EDRF1: variants seen among roughly 807,000 people sequenced by gnomAD.
The protein encoded by EDRF1 is erythroid differentiation-related factor 1.
A neutral mutation model predicts 148.7 loss-of-function variants in EDRF1; 69 were observed. The ratio of observed to expected loss-of-function variants is 0.46; its 90% confidence interval spans 0.38 to 0.57. EDRF1 has a LOEUF of 0.57. EDRF1 is among the 20% of genes least tolerant of loss of function. The probability of loss-of-function intolerance (pLI) is 0.00; values close to 1 mark genes in which losing one functional copy is unlikely to be tolerated. For missense variants in EDRF1, 1,118 were observed against 1,478.7 expected, an observed-to-expected ratio of 0.76 and a Z score of 4.00; for synonymous variants, 515 against 532.8, an observed-to-expected ratio of 0.97 and a Z score of 0.46.
intron 1 of EDRF1, among the ~76,000 whole-genome samples, chr10:125,720,744 G>A (rs1411388536): frequency 1.3e-5 from 2 of 151,188 alleles, no homozygotes; most frequent in South Asian, 2.1e-4. Context: ...CCCAGAAGCC[G>A]AGGTTGCAGT....
chr10:125,750,464 T>C (rs1290868556), intron 22 of EDRF1: 1 of 152,152 alleles, frequency 6.6e-6, no homozygotes, highest in Non-Finnish European at 1.5e-5. Context: ...CGCAGAGGAG[T>C]CTTTTGAGAA....
chr10:125,751,482 C>G (rs1849640042), intron 22 of EDRF1, among the ~76,000 whole-genome samples: 1 of 148,998 alleles, frequency 6.7e-6, no homozygotes, highest in African/African-American at 2.5e-5. Flanking sequence ...TGGTCGTTGT[C>G]CCAACAACAC....
At position 125,745,631 on chromosome 10, in the gene EDRF1, TATCTC is replaced by T. The variant is rs113426563; in HGVS notation, c.2591-72_2591-68del. The T allele has an allele frequency of 2.8e-3, 4,153 of 1,486,766 alleles. 92 individuals carry two copies. In the African/African-American group the frequency reaches 0.047, roughly 17 times the overall value. The allele number at this position is 1,486,766 out of a possible 1,614,324, so 92.1% of individuals were successfully genotyped here. A position where few individuals can be genotyped will look rare whatever the true frequency, so the allele number is the denominator to read the frequency against. On this transcript the variant is annotated intron_variant, in intron 18 of 24. Coordinates refer to ENST00000356792, the MANE Select transcript of EDRF1 (RefSeq NM_001202438.2). ...ACTCCTGTCACTGCCATCCTCCTCT[TATCTC>T]ATCAAGAGACAGTGCTAAGGTTTAC...
chr10:125,757,110 G>T (rs1008375734), intron 24 of EDRF1: 1 of 374,296 alleles, frequency 2.7e-6, no homozygotes, highest in Admixed American at 3.7e-5. Context: ...ACTGCACCTG[G>T]CCCAAGGGTC....
At chr10:125,753,885 AC>A (rs1263412068) in intron 24 of EDRF1, 40 bp downstream of exon 24, 2 of 1,606,242 alleles carry the variant, frequency 1.2e-6, no homozygotes, top group African/African-American at 2.7e-5. Context: ...CTTTCCTAGC[AC>A]CCTACCTATA....
At chr10:125,750,965 T>C (rs1352954103) in intron 22 of EDRF1, among the ~76,000 whole-genome samples, 1 of 152,176 alleles carries the variant, frequency 6.6e-6, no homozygotes, top group South Asian at 2.1e-4. Context: ...TTTTGTTTTG[T>C]TTTGTTTGAG....
At chr10:125,748,204 A>G (rs1191607925) in intron 21 of EDRF1, 192 bp downstream of exon 21, 4 of 678,050 alleles carry the variant, frequency 5.9e-6, no homozygotes, top group Admixed American at 4.6e-5. Flanking sequence ...ATTGTGCTCC[A>G]TGTTGAGCAT....
At chr10:125,727,448 G>C (rs1259929480) in intron 6 of EDRF1, among the ~76,000 whole-genome samples, 4 of 152,196 alleles carry the variant, frequency 2.6e-5, no homozygotes, top group Non-Finnish European at 5.9e-5. Context: ...AGGTGACTGT[G>C]GGATGGTCCT....
chr10:125,740,072 A>G (rs963428926), intron 15 of EDRF1, among the ~76,000 whole-genome samples: 1 of 152,204 alleles, frequency 6.6e-6, no homozygotes, highest in African/African-American at 2.4e-5. Flanking sequence ...GAAACATGCA[A>G]CTAGCTAAGT....
At chr10:125,730,766 GT>G (rs1364935674) in intron 9 of EDRF1, among the ~76,000 whole-genome samples, 1 of 152,178 alleles carries the variant, frequency 6.6e-6, no homozygotes, top group Non-Finnish European at 1.5e-5. Flanking sequence ...GAAAGGTCTT[GT>G]AAAAATTGCA....
chr10:125,763,883 A>C lies in EDRF1; in HGVS notation c.*411A>C. The C allele has an allele frequency of 4.3e-6, 1 of 232,660 alleles. No homozygotes were observed. Among genetic ancestry groups the C allele is most frequent in the East Asian group, 1.1e-4 (1 of 8,858 alleles). The allele number at this position is 232,660 out of a possible 1,614,324, so 14.4% of individuals were successfully genotyped here. On this transcript the variant is annotated 3_prime_UTR_variant, in exon 25 of 25. Transcript: ENST00000356792. This position sits in a 1 kb window ranked among gnomAD's most constrained non-coding sequence, Gnocchi z 4.3. ...TTACAGGTTCAAGTGGGTTAAGGAG[A>C]CCTCCTGTACATCTACAGTGTTTCC... is the stretch of plus-strand genomic sequence containing the variant.
In EDRF1 at chr10:125,763,463, C is replaced by T. The variant is rs776860095; in HGVS notation, c.3708C>T (p.Ala1236=). The T allele has an allele frequency of 5.0e-5, 81 of 1,606,974 alleles. No individual in the cohort carries two copies. The African/African-American group carries it at 6.7e-4, about 13-fold the overall frequency. Residue 1236 remains alanine (A), a synonymous_variant, in exon 25 of 25, where the codon GCC becomes GCT. Coordinates refer to ENST00000356792, the MANE Select transcript of EDRF1 (RefSeq NM_001202438.2). The surrounding 1 kb of genome is among the most constrained non-coding windows in gnomAD (Gnocchi z 4.3). ...LAAGSAASSN[A]VQ is the part of the protein sequence containing the mutation. ...CCGGCAGTGCAGCGAGCAGCAATGC[C>T]GTTCAGTGACTGCACAGAGCCGTGT...
At chr10:125,738,958 A>G (rs1046934163) in intron 15 of EDRF1, among the ~76,000 whole-genome samples, 1 of 152,248 alleles carries the variant, frequency 6.6e-6, no homozygotes, top group African/African-American at 2.4e-5. Context: ...GTACTTGAAT[A>G]AGCTACAAAT....
At position 125,745,820 on chromosome 10, in the gene EDRF1, T is replaced by TA; in HGVS notation, c.2704_2705insA (p.Leu902TyrfsTer4). On this transcript the variant is annotated frameshift_variant, in exon 19 of 25. Coordinates refer to ENST00000356792, the MANE Select transcript of EDRF1 (RefSeq NM_001202438.2). LOFTEE classifies it high-confidence loss of function. ...TGAGGATGCCACCAATGCCGCCCTT[T>TA]TATTATGTAACACGGGAAGGCTCAT... is the stretch of plus-strand genomic sequence containing the variant. 2 of 1,614,228 alleles carry TA rather than the reference T, an allele frequency of 1.2e-6. No individual in the cohort carries two copies. Among genetic ancestry groups the TA allele is most frequent in the Non-Finnish European group, 1.7e-6 (2 of 1,180,040 alleles).
At chr10:125,750,399 A>C (rs975557217) in intron 22 of EDRF1, 1 of 152,196 alleles carries the variant, frequency 6.6e-6, no homozygotes, top group Admixed American at 6.5e-5. Flanking sequence ...TCAACCACTT[A>C]ATGATTTTTC....
At chr10:125,735,951 T>A in intron 13 of EDRF1, 47 bp downstream of exon 13, 3 of 1,517,148 alleles carry the variant, frequency 2.0e-6, no homozygotes, top group African/African-American at 1.4e-5. Context: ...GAAACATAAT[T>A]GTTAATCGAA....
chr10:125,760,017 G>A (rs1049922715), intron 24 of EDRF1, among the ~76,000 whole-genome samples: 4 of 152,190 alleles, frequency 2.6e-5, no homozygotes, highest in Non-Finnish European at 5.9e-5. Context: ...GCCTTATTTG[G>A]TTGTTAATCC....
chr10:125,727,394 A>G (rs1351876846), intron 6 of EDRF1, among the ~76,000 whole-genome samples: 1 of 152,200 alleles, frequency 6.6e-6, no homozygotes, highest in Admixed American at 6.5e-5. Context: ...AAAAACTAAA[A>G]CTGCTGGCTT....
chr10:125,762,057 AT>A (rs1243672171), intron 24 of EDRF1, among the ~76,000 whole-genome samples: 1 of 152,098 alleles, frequency 6.6e-6, no homozygotes. Context: ...GCAGGAGGAG[AT>A]TTGCCTGATA....
Sources: gnomAD v4.1 joint callset for allele counts (sites outside exome capture counted in the v4.1 genomes callset) on GRCh38, gnomAD v4.1.1 for gene constraint, Gnocchi (gnomAD v3.1) non-coding constraint, MANE v1.5 for transcripts, NCBI Gene and HGNC (gene_info 2026-07-23, HGNC 2026-07-21) for gene names.